The following DNAH10 variants were observed in gnomAD, a reference collection of about 807,000 sequenced individuals.
DNAH10 encodes axonemal beta dynein heavy chain 10.
Under a neutral mutation model 506.6 loss-of-function variants are expected in DNAH10, and 348 were observed. The ratio of observed to expected loss-of-function variants is 0.69; its 90% CI spans 0.63 to 0.75. The LOEUF is 0.75. Ranked by LOEUF, DNAH10 falls within the 30% of genes least tolerant of loss-of-function variation. The probability of loss-of-function intolerance (pLI) is 0.00; values close to 1 mark genes in which losing one functional copy is unlikely to be tolerated. For synonymous variants in DNAH10, 2,059 were observed against 2,198.6 expected, an observed-to-expected ratio of 0.94 and a Z score of 1.78; for missense variants, 5,179 against 5,787.1, an observed-to-expected ratio of 0.89 and a Z score of 3.41.
At chr12:123,933,965 G>C (rs1033020929) in intron 77 of DNAH10, 5 of 474,040 alleles carry the variant, frequency 1.1e-5, no homozygotes, top group Non-Finnish European at 1.9e-5. Context: ...GCAAATGAGA[G>C]CTGGAAACTG....
At position 123,825,527 on chromosome 12, in the gene DNAH10, G is replaced by A. The variant is rs143518506; in HGVS notation, c.4180-1160G>A. 4.7e-3 allele frequency among the ~76,000 whole-genome samples: 719 copies of A among 152,324 alleles called. 6 individuals are homozygous for A. The highest frequency in any genetic ancestry group is 0.016 in the African/African-American group (672 of 41,574). On this transcript the variant is annotated intron_variant, in intron 24 of 78. Transcript: ENST00000673944. ...GACTCTCAGAATCGTCATGCTGAGC[G>A]AAAGAAGCCAGATACAGAGGAATGC... is the stretch of plus-strand genomic sequence containing the variant.
rs1273200915 is a variant in DNAH10 at position 123,928,393 on chromosome 12, C to T, written c.12112C>T (p.Leu4038=). Residue 4038 remains leucine, a synonymous_variant, in exon 70 of 79, where the codon CTG becomes TTG. Transcript: ENST00000673944. The surrounding 1 kb of genome is among the most constrained non-coding windows in gnomAD (Gnocchi z 4.9). ...AMGQGQEKVA[L]QLLETAVARG... ...TCCCTCTCCCCCGGCGCAGGTGGCC[C>T]TGCAGCTGCTGGAGACGGCGGTGGC... is the stretch of plus-strand genomic sequence containing the variant. The T allele has an allele frequency of 6.3e-7, 1 of 1,597,356 alleles. No individual in the cohort carries two copies. Among genetic ancestry groups the T allele is most frequent in the East Asian group, 2.3e-5 (1 of 44,204 alleles).
At chr12:123,763,453 G>A (rs1291532289) in intron 1 of DNAH10, among the ~76,000 whole-genome samples, 1 of 152,152 alleles carries the variant, frequency 6.6e-6, no homozygotes, top group Non-Finnish European at 1.5e-5. Flanking sequence ...TTAAGGACTT[G>A]GGGATCCCTT....
intron 56 of DNAH10, among the ~76,000 whole-genome samples, chr12:123,901,088 C>T (rs1473861653): frequency 1.3e-5 from 2 of 152,210 alleles, no homozygotes; most frequent in East Asian, 1.9e-4. Flanking sequence ...CCCCAGCCTC[C>T]AGCCCATGCT....
At chr12:123,805,627 T>G (rs1374220533) in intron 18 of DNAH10, among the ~76,000 whole-genome samples, 1 of 152,202 alleles carries the variant, frequency 6.6e-6, no homozygotes, top group East Asian at 1.9e-4. Context: ...AACCAGCCTG[T>G]GAAATCCATC....
In DNAH10 at chr12:123,903,311, C is replaced by T. The variant is rs541444954; in HGVS notation, c.9815+198C>T. Among the ~76,000 whole-genome samples, 1 of 152,102 alleles carries T rather than the reference C, an allele frequency of 6.6e-6. No homozygotes were observed. The highest frequency in any genetic ancestry group is 1.5e-5 in the Non-Finnish European group (1 of 68,024). ...GAGGCCCAGGGAGATGAGGTGGGCG[C>T]CCCAGGCATCCAGATCCCCCAGCTA... is the stretch of plus-strand genomic sequence containing the variant. On this transcript the variant is annotated intron_variant, in intron 57 of 78. Transcript: ENST00000673944. The surrounding 1 kb of genome is among the most constrained non-coding windows in gnomAD (Gnocchi z 4.6).
chr12:123,848,170 C>T, intron 33 of DNAH10, 75 bp downstream of exon 33: 1 of 1,543,346 alleles, frequency 6.5e-7, no homozygotes, highest in Non-Finnish European at 8.7e-7. Flanking sequence ...ATTTCACCTC[C>T]TAGTCTTTGA....
intron 36 of DNAH10, among the ~76,000 whole-genome samples, chr12:123,855,633 CAA>C (rs34517744): frequency 5.1e-4 from 52 of 102,090 alleles, no homozygotes; most frequent in African/African-American, 1.5e-3. Context: ...GACCCTGTCT[CAA>C]AAAAAAAAAA....
chr12:123,822,439 C>T (rs1021619208), intron 24 of DNAH10, among the ~76,000 whole-genome samples: 1 of 152,148 alleles, frequency 6.6e-6, no homozygotes, highest in African/African-American at 2.4e-5. Flanking sequence ...TCTTGAGAAA[C>T]AGAATCAATA....
intron 19 of DNAH10, among the ~76,000 whole-genome samples, chr12:123,809,782 C>A (rs1253131371): frequency 6.6e-6 from 1 of 152,198 alleles, no homozygotes; most frequent in Non-Finnish European, 1.5e-5. Flanking sequence ...TGTGAGGCCG[C>A]CATGCTCTAG....
chr12:123,879,662 T>C lies in DNAH10; in HGVS notation c.8495T>C (p.Val2832Ala). The C allele has an allele frequency of 6.2e-7, 1 of 1,613,982 alleles. No individual in the cohort carries two copies. Residue 2832 changes from valine (V) to alanine (A), a missense_variant, in exon 50 of 79, where the codon GTG becomes GCG. Physicochemically the swap from Val to Ala is moderately conservative, Grantham distance 64. Transcript: ENST00000673944. ...LVQQHIGSLV[V>A]EHFKDDVEVV... The stretch of plus-strand genomic sequence containing the variant: ...CAACAGCACATAGGCAGCTTGGTTG[T>C]GGAACATTTTAAAGATGACGTGGAG...
At chr12:123,877,967 T>C (rs1952333875) in intron 48 of DNAH10, 59 bp downstream of exon 48, 2 of 1,556,424 alleles carry the variant, frequency 1.3e-6, no homozygotes, top group African/African-American at 2.7e-5. Context: ...TTCTTATTCT[T>C]TTAAGACAGA....
intron 24 of DNAH10, 45 bp from the exon 25 acceptor site, chr12:123,826,642 C>G (rs1461729352): frequency 7.7e-6 from 12 of 1,568,554 alleles, no homozygotes; most frequent in Non-Finnish European, 9.6e-6. Flanking sequence ...TGTTGCATTT[C>G]CAAAGGGGTC....
intron 13 of DNAH10, among the ~76,000 whole-genome samples, chr12:123,798,978 G>A (rs1958381049): frequency 6.7e-6 from 1 of 149,240 alleles, no homozygotes. Context: ...GGTGGCATGT[G>A]CCTGTAATCC....
Position 123,879,784 on chromosome 12 carries a change from G to A in DNAH10, c.8617G>A (p.Ala2873Thr). The change falls in exon 50 of 79, where the codon GCC becomes ACC. Residue 2873 changes from alanine to threonine, a missense_variant. Physicochemically the swap from Ala to Thr is moderately conservative, Grantham distance 58. Transcript: ENST00000673944. ...IYEDIQDYEA[A>T]KALFQEILEE... ...TGAAGACATCCAGGACTACGAGGCG[G>A]CCAAGGCTCTGTTCCAGGTGGGGAT... is the stretch of plus-strand genomic sequence containing the variant. The A allele has an allele frequency of 1.2e-6, 2 of 1,613,986 alleles. No individual in the cohort carries two copies. Among genetic ancestry groups the A allele is most frequent in the Non-Finnish European group, 1.7e-6 (2 of 1,179,862 alleles).
chr12:123,914,503 G>A lies in DNAH10; in HGVS notation c.10527G>A (p.Gln3509=), dbSNP rs756886690. ...TGGAGCGGGAGATCCCCCTGAGCCAGCCTTTCCGGCTGGAAAGCCTGCTCA... is the reference window on the plus strand; with the variant it reads ...TGGAGCGGGAGATCCCCCTGAGCCAACCTTTCCGGCTGGAAAGCCTGCTCA... ...DILEREIPLS[Q]PFRLESLLTD... is the part of the protein sequence containing the mutation. The change falls in exon 61 of 79, where the codon CAG becomes CAA. Residue 3509 remains glutamine, a synonymous_variant. Coordinates refer to ENST00000673944, the MANE Select transcript of DNAH10 (RefSeq NM_001372106.1). 8 of 1,613,744 alleles carry A rather than the reference G, an allele frequency of 5.0e-6. No individual in the cohort carries two copies. The South Asian group carries it at 8.8e-5, about 18-fold the overall frequency.
Position 123,851,035 on chromosome 12 carries a change from T to C in DNAH10, c.6250T>C (p.Cys2084Arg), listed in dbSNP as rs757815511. 6.2e-7 allele frequency: 1 copy of C among 1,612,964 alleles called. No individual in the cohort carries two copies. The highest frequency in any genetic ancestry group is 1.7e-5 in the Admixed American group (1 of 59,984). The change falls in exon 35 of 79, where the codon TGT (cysteine) becomes CGT (arginine). Residue 2084 changes from cysteine to arginine, a missense_variant. Cys to Arg is a radical substitution (Grantham distance 180). This residue lies in a region of DNAH10 where 4,844 missense variants were observed against 5,430.5 expected (regional missense o/e 0.89). Transcript: ENST00000673944. ...GATCGTGCCCGACCTGCAGCAGATC[T>C]GTGAGATCATGCTCTTCTCTGAGGG... is the stretch of plus-strand genomic sequence containing the variant. ...VVIVPDLQQICEIMLFSEGFL... is the reference protein window; with the variant it reads ...VVIVPDLQQIREIMLFSEGFL...
At chr12:123,832,210 TG>T (rs1960635783) in intron 26 of DNAH10, among the ~76,000 whole-genome samples, 1 of 152,166 alleles carries the variant, frequency 6.6e-6, no homozygotes, top group Admixed American at 6.5e-5. Context: ...TATATATACA[TG>T]TATACATATA....
chr12:123,807,994 GAGAGACGGGA>G (rs1476765278), intron 18 of DNAH10, among the ~76,000 whole-genome samples: 15 of 151,710 alleles, frequency 9.9e-5, no homozygotes, highest in East Asian at 1.9e-4. Context: ...GAGAGGGAGA[GAGAGACGGGA>G]GGAGGGAGAG....
Sources: allele counts gnomAD v4.1 joint callset (sites outside exome capture counted in the v4.1 genomes callset), GRCh38; gene constraint gnomAD v4.1.1; regional missense constraint gnomAD v4.1.1; non-coding constraint Gnocchi (gnomAD v3.1); transcripts MANE v1.5; gene names NCBI Gene and HGNC (gene_info 2026-07-23, HGNC 2026-07-21).